The following TBC1D1 variants were observed in gnomAD, a reference collection of about 807,000 sequenced individuals.
TBC1D1 encodes the protein TBC1 domain family member 1.
A neutral mutation model predicts 125.6 loss-of-function variants in TBC1D1; 89 were observed. The ratio of observed to expected loss-of-function variants is 0.71; its 90% CI spans 0.60 to 0.85. TBC1D1 has a LOEUF of 0.85. Ranked by LOEUF, TBC1D1 falls within the 40% of genes least tolerant of loss-of-function variation. The pLI is 0.00. For missense variants in TBC1D1, 1,377 were observed against 1,469.2 expected (o/e 0.94, Z 1.03); for synonymous variants, 565 against 564.1 (o/e 1.00, Z -0.02).
At chr4:38,096,333 T>C (rs715344) in intron 14 of TBC1D1, among the ~76,000 whole-genome samples, 67,447 of 152,060 alleles carry the variant, frequency 0.44, 17,250 homozygotes, top group African/African-American at 0.69. Flanking sequence ...CCAAGGGTTT[T>C]GTTGCCTATA....
chr4:38,011,627 C>T (rs919547204), intron 2 of TBC1D1, among the ~76,000 whole-genome samples: 15 of 152,160 alleles, frequency 9.9e-5, no homozygotes, highest in African/African-American at 3.6e-4. Context: ...TTACACATAA[C>T]TTCTTGGTGC....
rs188907186 is a variant in TBC1D1, at chr4:37,930,448, A to G, written c.417+27936A>G. ...GTGATCCTCCCACCTTAGCCTCCCA[A>G]AGTGTTGGGATTACAAGTGTGAGCC... On this transcript the variant is annotated intron_variant, in intron 2 of 19. Transcript: ENST00000261439. Among the ~76,000 whole-genome samples, 3 of 151,926 alleles carry G rather than the reference A, an allele frequency of 2.0e-5. No individual in the cohort carries two copies. In the East Asian group the frequency reaches 5.8e-4, roughly 29 times the overall value.
At chr4:38,124,483 T>C (rs1423745841) in intron 17 of TBC1D1, among the ~76,000 whole-genome samples, 2 of 152,244 alleles carry the variant, frequency 1.3e-5, no homozygotes, top group Non-Finnish European at 2.9e-5. Flanking sequence ...ACAAAGTACT[T>C]CTGCAGTTGT....
chr4:38,070,879 C>A (rs1754593540), intron 12 of TBC1D1, among the ~76,000 whole-genome samples: 2 of 152,172 alleles, frequency 1.3e-5, no homozygotes, highest in Admixed American at 6.5e-5. Flanking sequence ...CTCATCTTCT[C>A]ATAGAAGTTT....
chr4:37,964,619 G>A (rs2152336745), intron 2 of TBC1D1, among the ~76,000 whole-genome samples: 1 of 152,356 alleles, frequency 6.6e-6, no homozygotes, highest in Non-Finnish European at 1.5e-5. Flanking sequence ...TGGCCTGTTG[G>A]TCCCAGCGTA....
intron 15 of TBC1D1, among the ~76,000 whole-genome samples, chr4:38,108,052 A>G (rs1457907760): frequency 6.6e-6 from 1 of 152,050 alleles, no homozygotes; most frequent in Non-Finnish European, 1.5e-5. Flanking sequence ...AGCCTGCCCC[A>G]CCCATCTGCA....
chr4:37,999,936 A>G (rs1282655859), intron 2 of TBC1D1, among the ~76,000 whole-genome samples: 1 of 152,228 alleles, frequency 6.6e-6, no homozygotes, highest in Non-Finnish European at 1.5e-5. Flanking sequence ...AAAATTGAGT[A>G]CTTGTAACAT....
At chr4:38,051,799 G>C in intron 11 of TBC1D1, 100 bp from the exon 12 acceptor site, 2 of 1,180,614 alleles carry the variant, frequency 1.7e-6, no homozygotes, top group Non-Finnish European at 2.4e-6. Context: ...CTGGAACAAC[G>C]AGACAAAAGC....
chr4:38,044,532 T>C, intron 9 of TBC1D1, 42 bp downstream of exon 9: 1 of 1,582,940 alleles, frequency 6.3e-7, no homozygotes, highest in Non-Finnish European at 8.6e-7. Flanking sequence ...AAATCACTTT[T>C]TAGGAGAGTG....
At chr4:38,083,713 G>A (rs578200148) in intron 12 of TBC1D1, among the ~76,000 whole-genome samples, 66 of 152,272 alleles carry the variant, frequency 4.3e-4, no homozygotes, top group African/African-American at 1.6e-3. Context: ...GTAGAGCCAG[G>A]TTCAATCCCA....
intron 4 of TBC1D1, among the ~76,000 whole-genome samples, chr4:38,019,146 A>G (rs946456156): frequency 6.6e-6 from 1 of 152,036 alleles, no homozygotes; most frequent in Non-Finnish European, 1.5e-5. Context: ...CCTAACAAAT[A>G]TGAGATCACT....
At chr4:37,964,682 C>T (rs1409128149) in intron 2 of TBC1D1, among the ~76,000 whole-genome samples, 1 of 152,220 alleles carries the variant, frequency 6.6e-6, no homozygotes, top group East Asian at 1.9e-4. Context: ...TCTTATTAGC[C>T]CCTGGCCTGG....
At chr4:38,050,067 A>G (rs1397291957) in intron 11 of TBC1D1, among the ~76,000 whole-genome samples, 169 bp downstream of exon 11, 1 of 152,218 alleles carries the variant, frequency 6.6e-6, no homozygotes, top group East Asian at 1.9e-4. Context: ...GCTTGTGAGT[A>G]TACAAGCAAT....
chr4:38,061,246 G>A (rs1015293495), intron 12 of TBC1D1, among the ~76,000 whole-genome samples: 16 of 151,928 alleles, frequency 1.1e-4, no homozygotes, highest in African/African-American at 3.9e-4. Context: ...CAGTGTGGGC[G>A]TTTGTTTTCT....
rs59557310 is a variant in TBC1D1 at position 37,945,512 on chromosome 4, C to CAA, written c.417+43038_417+43039dup. Among the ~76,000 whole-genome samples the CAA allele has an allele frequency of 3.2e-3, 66 of 20,694 alleles. 17 individuals are homozygous for CAA. Among genetic ancestry groups the CAA allele is most frequent in the Non-Finnish European group, 4.3e-3 (50 of 11,744 alleles). The allele number at this position is 20,694 out of a possible 152,430, so 13.6% of individuals were successfully genotyped here. A position where few individuals can be genotyped will look rare whatever the true frequency, so the allele number is the denominator to read the frequency against. ...TGGGCAACAGAGAGAGACTCCACCT[C>CAA]AAAAAAAAAAAAAAAAAAAAAAAAA... On this transcript the variant is annotated intron_variant, in intron 2 of 19. Coordinates refer to ENST00000261439, the MANE Select transcript of TBC1D1 (RefSeq NM_015173.4).
Position 37,902,234 on chromosome 4 carries a change from G to A in TBC1D1, c.139G>A (p.Val47Met), listed in dbSNP as rs962496993. The change falls in exon 2 of 20, where the codon GTG becomes ATG. Residue 47 changes from valine to methionine, a missense_variant. By Grantham distance (21) the Val-to-Met change is conservative. Transcript: ENST00000261439. ...CATGCTGCCCTGGGTTGTGGCTGAG[G>A]TGCGAAGACTCAGCAGGCAGTCCAC... The A allele has an allele frequency of 1.2e-6, 2 of 1,613,902 alleles. No individual in the cohort carries two copies. Among genetic ancestry groups the A allele is most frequent in the South Asian group, 1.1e-5 (1 of 91,072 alleles).
At chr4:37,926,262 CTCCATAGGG>C (rs369751160) in intron 2 of TBC1D1, among the ~76,000 whole-genome samples, 33 of 152,260 alleles carry the variant, frequency 2.2e-4, no homozygotes, top group African/African-American at 7.7e-4. Flanking sequence ...CCCTTTGTGC[CTCCATAGGG>C]TACTTTCTGC....
At chr4:38,081,755 G>A (rs554079916) in intron 12 of TBC1D1, among the ~76,000 whole-genome samples, 33 of 152,152 alleles carry the variant, frequency 2.2e-4, no homozygotes, top group Admixed American at 6.5e-4. Context: ...TATTATTATC[G>A]GTGATTTATG....
At chr4:37,907,140 C>G (rs1481832719) in intron 2 of TBC1D1, among the ~76,000 whole-genome samples, 1 of 152,138 alleles carries the variant, frequency 6.6e-6, no homozygotes, top group African/African-American at 2.4e-5. Context: ...AGCTGATTCT[C>G]TATTCATTCT....
Sources: gnomAD v4.1 joint callset for allele counts (sites outside exome capture counted in the v4.1 genomes callset) on GRCh38, gnomAD v4.1.1 for gene constraint, MANE v1.5 for transcripts, NCBI Gene and HGNC (gene_info 2026-07-23, HGNC 2026-07-21) for gene names.